ALKBH3: variants seen among roughly 807,000 people sequenced by gnomAD.
ALKBH3 encodes the protein alkB homolog 3, alpha-ketoglutarate dependent dioxygenase.
ALKBH3 carries 51 observed loss-of-function variants against 43.9 expected under a neutral mutation model. The ratio of observed to expected loss-of-function variants is 1.16; its 90% CI spans 0.93 to 1.47. The LOEUF is 1.47. ALKBH3 is among the 40% of genes most tolerant of loss of function. The probability of loss-of-function intolerance (pLI) is 0.00; values close to 1 mark genes in which losing one functional copy is unlikely to be tolerated. For missense variants in ALKBH3, 361 were observed against 351.9 expected, an observed-to-expected ratio of 1.03 and a Z score of -0.21; for synonymous variants, 102 against 115.2, an observed-to-expected ratio of 0.89 and a Z score of 0.73.
Position 43,920,098 on chromosome 11 carries a change from C to A in ALKBH3, c.*88C>A. On this transcript the variant is annotated 3_prime_UTR_variant, in exon 10 of 10. Coordinates refer to ENST00000302708, the MANE Select transcript of ALKBH3 (RefSeq NM_139178.4). ...TCAAGAGGCTGGTGCTGCTAGATCT[C>A]ATGATGTGGCTGTTGGGAAGATGGT... 8.1e-7 allele frequency: 1 copy of A among 1,229,506 alleles called. No individual in the cohort carries two copies. Among genetic ancestry groups the A allele is most frequent in the Non-Finnish European group, 1.2e-6 (1 of 850,786 alleles). 76.2% of individuals were successfully genotyped at this position (1,229,506 alleles called of 1,614,324 possible). A position where few individuals can be genotyped will look rare whatever the true frequency, so the allele number is the denominator to read the frequency against.
In ALKBH3 at chr11:43,883,186, CA is replaced by C; in HGVS notation, c.182del (p.Gln61ArgfsTer2). 2 of 1,611,100 alleles carry C rather than the reference CA, an allele frequency of 1.2e-6. No individual in the cohort carries two copies. The highest frequency in any genetic ancestry group is 1.7e-6 in the Non-Finnish European group (2 of 1,178,316). ...DREFVFKEPQQVVRRAPEPRV... is the reference protein window; with the variant it reads ...DREFVFKEPQXVVRRAPEPRV... ...AGAGTTTGTGTTCAAAGAACCTCAGCAGGTAAATTCATGGTTTTTTCTTCAA... is the reference window on the plus strand; with the variant it reads ...AGAGTTTGTGTTCAAAGAACCTCAGCGGTAAATTCATGGTTTTTTCTTCAA... On this transcript the variant is annotated frameshift_variant and splice_region_variant, in exon 3 of 10. Transcript: ENST00000302708. LOFTEE classifies it high-confidence loss of function.
At chr11:43,911,849 G>A (rs4755756) in intron 8 of ALKBH3, among the ~76,000 whole-genome samples, 90,569 of 152,070 alleles carry the variant, frequency 0.6, 27,849 homozygotes, top group East Asian at 0.84. Context: ...GCGGCCAGGC[G>A]CCGTGGCTCA....
chr11:43,883,667 A>G (rs1427383836), intron 3 of ALKBH3, among the ~76,000 whole-genome samples: 4 of 152,258 alleles, frequency 2.6e-5, no homozygotes, highest in Non-Finnish European at 5.9e-5. Context: ...TAACAACCCT[A>G]TAAATAATTA....
chr11:43,915,356 G>A (rs1951975273), intron 8 of ALKBH3, among the ~76,000 whole-genome samples: 3 of 151,980 alleles, frequency 2.0e-5, no homozygotes, highest in Admixed American at 6.5e-5. Flanking sequence ...TTTTCCTGGT[G>A]AGATTATAGA....
intron 7 of ALKBH3, chr11:43,899,147 CA>C: frequency 7.7e-6 from 6 of 782,128 alleles, no homozygotes; most frequent in East Asian, 2.5e-5. Flanking sequence ...CACAGCCACC[CA>C]AAAAGGACTC....
At chr11:43,919,181 G>A (rs1363721514) in intron 9 of ALKBH3, 45 bp downstream of exon 9, 2 of 1,501,442 alleles carry the variant, frequency 1.3e-6, no homozygotes, top group Admixed American at 3.3e-5. Flanking sequence ...TGTGGAGGCA[G>A]TTTCCTGACT....
intron 6 of ALKBH3, among the ~76,000 whole-genome samples, chr11:43,890,865 A>T (rs530226396): frequency 1.1e-4 from 16 of 152,310 alleles, no homozygotes; most frequent in Non-Finnish European, 2.2e-4. Context: ...TCCGTCTCAA[A>T]AAAAAATAAA....
chr11:43,899,634 G>A (rs906168615), intron 7 of ALKBH3: 10 of 479,008 alleles, frequency 2.1e-5, no homozygotes, highest in South Asian at 6.3e-5. Context: ...CCACCCTCCC[G>A]CCGAGCAGAG....
intron 7 of ALKBH3, among the ~76,000 whole-genome samples, chr11:43,895,470 G>A (rs1951812332): frequency 6.6e-6 from 1 of 152,190 alleles, no homozygotes; most frequent in Admixed American, 6.5e-5. Context: ...GGCCTCCGCA[G>A]CTATGTGGAA....
intron 7 of ALKBH3, chr11:43,897,709 C>A: frequency 1.2e-6 from 1 of 812,048 alleles, no homozygotes; most frequent in Non-Finnish European, 2.2e-6. Flanking sequence ...CAGAAGAACT[C>A]ACTGAATTCT....
chr11:43,882,543 C>A, intron 1 of ALKBH3, 40 bp from the exon 2 acceptor site: 2 of 957,618 alleles, frequency 2.1e-6, no homozygotes, highest in South Asian at 1.9e-5. Flanking sequence ...TGTTCACAAT[C>A]CTAACTAAAA....
chr11:43,881,573 C>T (rs1263789511), intron 1 of ALKBH3: 1 of 152,208 alleles, frequency 6.6e-6, no homozygotes, highest in Non-Finnish European at 1.5e-5. Flanking sequence ...GTCATTAACT[C>T]TTCTGGGCAG....
chr11:43,918,040 A>ATC (rs1382633075), intron 8 of ALKBH3, among the ~76,000 whole-genome samples: 2 of 152,206 alleles, frequency 1.3e-5, no homozygotes, highest in African/African-American at 4.8e-5. Context: ...TTGCACTGAA[A>ATC]TCAATCCTGC....
At chr11:43,898,208 T>G in intron 7 of ALKBH3, 1 of 1,151,390 alleles carries the variant, frequency 8.7e-7, no homozygotes, top group South Asian at 1.2e-5. Context: ...AGCTGTCTCA[T>G]TAGACTTCAC....
chr11:43,902,929 C>T (rs1440433788), intron 8 of ALKBH3, among the ~76,000 whole-genome samples: 1 of 152,142 alleles, frequency 6.6e-6, no homozygotes, highest in African/African-American at 2.4e-5. Context: ...TAAGCCAGAC[C>T]ACATCATTAT....
At chr11:43,894,171 A>G (rs1951802791) in intron 7 of ALKBH3, among the ~76,000 whole-genome samples, 1 of 152,200 alleles carries the variant, frequency 6.6e-6, no homozygotes, top group South Asian at 2.1e-4. Context: ...TTCAAACTAA[A>G]TCTCACATGA....
chr11:43,910,506 C>T (rs1360993583), intron 8 of ALKBH3: 1 of 152,232 alleles, frequency 6.6e-6, no homozygotes, highest in Non-Finnish European at 1.5e-5. Context: ...GCACATGTGG[C>T]TTCCACCCTG....
chr11:43,906,587 A>G (rs1232622525), intron 8 of ALKBH3, among the ~76,000 whole-genome samples: 1 of 152,156 alleles, frequency 6.6e-6, no homozygotes, highest in Non-Finnish European at 1.5e-5. Context: ...GGTGGCTCTC[A>G]CCTGCAACCC....
intron 7 of ALKBH3, among the ~76,000 whole-genome samples, chr11:43,900,538 A>G (rs979863517): frequency 1.3e-5 from 2 of 152,148 alleles, no homozygotes; most frequent in African/African-American, 4.8e-5. Context: ...TGCATTTTAA[A>G]TGAATTAACC....
Sources: allele counts gnomAD v4.1 joint callset (sites outside exome capture counted in the v4.1 genomes callset), GRCh38; gene constraint gnomAD v4.1.1; transcripts MANE v1.5; gene names NCBI Gene and HGNC (gene_info 2026-07-23, HGNC 2026-07-21).